Variants in CTNNA3 observed in about 807,000 individuals in gnomAD.
The protein encoded by CTNNA3 is catenin alpha-3.
Under a neutral mutation model 95.7 loss-of-function variants are expected in CTNNA3, and 76 were observed. That is an observed-to-expected ratio of 0.79 (90% confidence interval 0.66 to 0.96). The LOEUF (loss-of-function observed/expected upper bound fraction) is 0.96, where lower values mean the gene tolerates loss of function less well. Among genes scored for constraint, CTNNA3 ranks in the 40% least tolerant of loss-of-function variants. CTNNA3 has a pLI of 0.00. For synonymous variants in CTNNA3, 431 were observed against 374.4 expected (o/e 1.15, Z -1.74); for missense variants, 1,191 against 1,089.8 (o/e 1.09, Z -1.31).
intron 1 of CTNNA3, among the ~76,000 whole-genome samples, chr10:67,675,981 AAT>A (rs1287922217): frequency 6.6e-6 from 1 of 152,126 alleles, no homozygotes; most frequent in Non-Finnish European, 1.5e-5. Flanking sequence ...TCTAGAATGC[AAT>A]CATAGGGATC....
chr10:65,922,979 C>G (rs1440318368), intron 17 of CTNNA3, among the ~76,000 whole-genome samples: 1 of 152,068 alleles, frequency 6.6e-6, no homozygotes, highest in Admixed American at 6.6e-5. Context: ...AACCATCGAT[C>G]TCATGAGAAC....
intron 1 of CTNNA3, among the ~76,000 whole-genome samples, chr10:67,664,232 TCAC>T (rs755473616): frequency 5.9e-5 from 9 of 152,206 alleles, no homozygotes; most frequent in Non-Finnish European, 1.2e-4. Flanking sequence ...CTTATTTAGA[TCAC>T]TCTGGTGTTT....
chr10:67,145,441 T>G (rs1206951913), intron 7 of CTNNA3, among the ~76,000 whole-genome samples: 1 of 151,502 alleles, frequency 6.6e-6, no homozygotes, highest in Non-Finnish European at 1.5e-5. Flanking sequence ...TTTTAGTTTT[T>G]TTTTTTTTTG....
At chr10:66,669,405 T>C (rs542875811) in intron 9 of CTNNA3, among the ~76,000 whole-genome samples, 2 of 152,082 alleles carry the variant, frequency 1.3e-5, no homozygotes, top group Admixed American at 1.3e-4. Flanking sequence ...TAGCCAGGCA[T>C]GGTGGCATGT....
intron 7 of CTNNA3, among the ~76,000 whole-genome samples, chr10:66,853,943 C>T (rs1477756099): frequency 6.6e-6 from 1 of 151,998 alleles, no homozygotes; most frequent in Non-Finnish European, 1.5e-5. Context: ...TTTGCATAAA[C>T]GTGAAAAGCA....
intron 5 of CTNNA3, among the ~76,000 whole-genome samples, chr10:67,448,113 G>C (rs552492679): frequency 4.6e-5 from 7 of 152,232 alleles, no homozygotes; most frequent in Non-Finnish European, 8.8e-5. Context: ...ATTTGTGATG[G>C]ACAGCAAAGA....
intron 5 of CTNNA3, among the ~76,000 whole-genome samples, chr10:67,232,924 A>G (rs1441317371): frequency 1.3e-5 from 2 of 152,190 alleles, no homozygotes; most frequent in East Asian, 1.9e-4. Flanking sequence ...AGGCCATTAC[A>G]TAACGGTAAA....
intron 10 of CTNNA3, among the ~76,000 whole-genome samples, chr10:66,525,289 G>A (rs1159293306): frequency 2.6e-5 from 4 of 151,932 alleles, no homozygotes; most frequent in African/African-American, 4.8e-5. Flanking sequence ...TGCTAATAAC[G>A]ATAATAATAA....
intron 13 of CTNNA3, among the ~76,000 whole-genome samples, chr10:66,259,251 T>C (rs983476802): frequency 6.6e-6 from 1 of 152,112 alleles, no homozygotes; most frequent in African/African-American, 2.4e-5. Context: ...CCTCATTCCC[T>C]TCATGACAAC....
intron 16 of CTNNA3, among the ~76,000 whole-genome samples, chr10:65,974,693 A>G (rs1810939176): frequency 6.6e-6 from 1 of 152,128 alleles, no homozygotes; most frequent in Non-Finnish European, 1.5e-5. Context: ...CCTCAGTATC[A>G]TGCAATATAC....
At chr10:66,173,349 C>A (rs1276927908) in intron 13 of CTNNA3, among the ~76,000 whole-genome samples, 1 of 152,084 alleles carries the variant, frequency 6.6e-6, no homozygotes, top group Non-Finnish European at 1.5e-5. Flanking sequence ...GAGGAGATGT[C>A]TAGCAATATC....
chr10:67,442,236 A>C lies in CTNNA3; in HGVS notation c.579+79606T>G, dbSNP rs116951635. Among the ~76,000 whole-genome samples the C allele has an allele frequency of 0.026, 4,035 of 152,282 alleles. 390 individuals carry two copies. The East Asian group carries it at 0.34, about 13-fold the overall frequency. ...AAAACAGACAACAAATACACAAAAA[A>C]ATAAAAAGCAGTAAATTAAATCATA... On this transcript the variant is annotated intron_variant, in intron 5 of 17. Coordinates refer to ENST00000433211, the MANE Select transcript of CTNNA3 (RefSeq NM_013266.4).
Position 66,238,494 on chromosome 10 carries a change from T to G in CTNNA3, c.1884+41976A>C, listed in dbSNP as rs561838002. Among the ~76,000 whole-genome samples the G allele has an allele frequency of 8.5e-5, 13 of 152,128 alleles. No individual in the cohort carries two copies. In the South Asian group the frequency reaches 2.5e-3, roughly 29 times the overall value. On this transcript the variant is annotated intron_variant, in intron 13 of 17. Coordinates refer to ENST00000433211, the MANE Select transcript of CTNNA3 (RefSeq NM_013266.4). Reference sequence around the variant, plus strand: ...TTGTCTTACCAGATTCCAGAAATAGTTGTATAGACAGCCAATAAAAGATTT... The same window carrying G: ...TTGTCTTACCAGATTCCAGAAATAGGTGTATAGACAGCCAATAAAAGATTT...
intron 5 of CTNNA3, among the ~76,000 whole-genome samples, chr10:67,448,671 AT>A (rs1254027567): frequency 1.3e-5 from 2 of 151,508 alleles, no homozygotes; most frequent in Non-Finnish European, 2.9e-5. Context: ...AAGAAATTCT[AT>A]GCGAGTTGAA....
chr10:66,438,878 A>T (rs1328402182), intron 11 of CTNNA3, among the ~76,000 whole-genome samples: 1 of 152,070 alleles, frequency 6.6e-6, no homozygotes, highest in Non-Finnish European at 1.5e-5. Context: ...GGGAAAAGCA[A>T]AGTATATGGG....
At chr10:67,103,674 T>C (rs74739821) in intron 7 of CTNNA3, among the ~76,000 whole-genome samples, 8,415 of 151,760 alleles carry the variant, frequency 0.055, 343 homozygotes, top group South Asian at 0.18. Flanking sequence ...GATGTGCTCC[T>C]ACCCCCATCA....
chr10:66,063,761 T>C (rs2080257791), intron 15 of CTNNA3, among the ~76,000 whole-genome samples: 1 of 152,138 alleles, frequency 6.6e-6, no homozygotes, highest in Non-Finnish European at 1.5e-5. Flanking sequence ...TCTACTGATA[T>C]GGAACATTTA....
chr10:66,356,122 GTT>G (rs59366031), intron 12 of CTNNA3, among the ~76,000 whole-genome samples: 7,568 of 116,652 alleles, frequency 0.065, 219 homozygotes, highest in East Asian at 0.11. Flanking sequence ...TGCTTGTTTT[GTT>G]TTTTTTTTTT....
At chr10:67,473,772 C>A (rs1335482033) in intron 5 of CTNNA3, among the ~76,000 whole-genome samples, 3 of 152,102 alleles carry the variant, frequency 2.0e-5, no homozygotes, top group Non-Finnish European at 4.4e-5. Context: ...ATTTACATAG[C>A]ATTTACATTT....
Sources: gnomAD v4.1 joint callset for allele counts (sites outside exome capture counted in the v4.1 genomes callset) on GRCh38, gnomAD v4.1.1 for gene constraint, MANE v1.5 for transcripts, NCBI Gene and HGNC (gene_info 2026-07-23, HGNC 2026-07-21) for gene names.